CCDC137: variants seen among roughly 807,000 people sequenced by gnomAD.
CCDC137 encodes the protein coiled-coil domain containing 137.
Under a neutral mutation model 30.4 loss-of-function variants are expected in CCDC137, and 24 were observed. That is an observed-to-expected ratio of 0.79 (90% CI 0.57 to 1.11). CCDC137 has a LOEUF of 1.11. Ranked by LOEUF, CCDC137 falls within the 50% of genes least tolerant of loss-of-function variation. The probability of loss-of-function intolerance (pLI) is 0.00; values close to 1 mark genes in which losing one functional copy is unlikely to be tolerated. For synonymous variants in CCDC137, 182 were observed against 155.7 expected (o/e 1.17, Z -1.26); for missense variants, 417 against 380.4 (o/e 1.10, Z -0.80).
At chr17:81,669,506 G>A (rs1053258149) in intron 2 of CCDC137, among the ~76,000 whole-genome samples, 1 of 152,080 alleles carries the variant, frequency 6.6e-6, no homozygotes, top group Admixed American at 6.5e-5. Flanking sequence ...CGCCTCCTGT[G>A]TTCTACACTC....
chr17:81,670,326 G>A lies in CCDC137; in HGVS notation c.370G>A (p.Ala124Thr). The change falls in exon 3 of 6, where the codon GCC becomes ACC. Residue 124 changes from alanine (A) to threonine (T), a missense_variant. Transcript: ENST00000329214. Reference protein sequence around the residue: ...FKQRKGESDGAYIHRMQQEAQ... With the variant: ...FKQRKGESDGTYIHRMQQEAQ... ...ACAGAGGAAGGGGGAGTCTGACGGG[G>A]CCTATATCCACCGCATGCAGCAAGA... is the stretch of plus-strand genomic sequence containing the variant. The A allele has an allele frequency of 6.2e-7, 1 of 1,614,016 alleles. No individual in the cohort carries two copies. The highest frequency in any genetic ancestry group is 8.5e-7 in the Non-Finnish European group (1 of 1,180,052).
rs777883914 is a variant in CCDC137 at position 81,672,623 on chromosome 17, A to C, written c.789A>C (p.Arg263Ser). Reference protein sequence around the residue: ...EERERAVQAYRALKQRQQQLH... With the variant: ...EERERAVQAYSALKQRQQQLH... ...GAGAGCGGGCCGTGCAGGCCTACAG[A>C]GCGTTGAAGCAGCGGCAGCAGCAGC... Residue 263 changes from arginine to serine, a missense_variant, in exon 6 of 6, where the codon AGA becomes AGC. Transcript: ENST00000329214. 1.6e-5 allele frequency: 26 copies of C among 1,598,882 alleles called. No individual in the cohort carries two copies. The African/African-American group carries it at 3.1e-4, about 19-fold the overall frequency.
Position 81,666,737 on chromosome 17 carries a change from G to A in CCDC137, c.-30G>A, listed in dbSNP as rs190058261. 29 of 1,446,816 alleles carry A rather than the reference G, an allele frequency of 2.0e-5. No individual in the cohort carries two copies. The East Asian group carries it at 6.5e-4, about 33-fold the overall frequency. The allele number at this position is 1,446,816 out of a possible 1,614,324, so 89.6% of individuals were successfully genotyped here. A position where few individuals can be genotyped will look rare whatever the true frequency, so the allele number is the denominator to read the frequency against. ...CGGAACCATGCAGGAAGGCGGAAGT[G>A]GCTTCGCTAGGGAGCCTCCCGGCGT... On this transcript the variant is annotated 5_prime_UTR_variant, in exon 1 of 6. Transcript: ENST00000329214.
At chr17:81,667,634 G>A in intron 1 of CCDC137, 95 bp from the exon 2 acceptor site, 1 of 1,480,486 alleles carries the variant, frequency 6.8e-7, no homozygotes, top group Non-Finnish European at 9.2e-7. Context: ...GCCAGCCCGT[G>A]TAGATTCTAT....
At chr17:81,671,849 T>C in intron 4 of CCDC137, 23 bp downstream of exon 4, 1 of 1,612,058 alleles carries the variant, frequency 6.2e-7, no homozygotes, top group Non-Finnish European at 8.5e-7. Flanking sequence ...AAAGCGATGG[T>C]GTCAGCAGTG....
At chr17:81,668,136 A>G (rs1402345670) in intron 2 of CCDC137, among the ~76,000 whole-genome samples, 1 of 152,148 alleles carries the variant, frequency 6.6e-6, no homozygotes, top group Admixed American at 6.6e-5. Context: ...TCTCCCCAAA[A>G]GTAGCGAAGA....
chr17:81,671,937 G>A, intron 4 of CCDC137, 111 bp downstream of exon 4: 3 of 1,464,134 alleles, frequency 2.0e-6, no homozygotes, highest in East Asian at 2.3e-5. Context: ...TTTCCCCTGG[G>A]GTCCACAGCC....
At chr17:81,672,351 A>G (rs947361618) in intron 5 of CCDC137, 144 bp from the exon 6 acceptor site, 1 of 932,818 alleles carries the variant, frequency 1.1e-6, no homozygotes, top group South Asian at 1.7e-5. Context: ...AAAAAAAAAA[A>G]CCCTCAGCCA....
intron 2 of CCDC137, 123 bp downstream of exon 2, chr17:81,667,985 G>A (rs1598732304): frequency 8.1e-7 from 1 of 1,239,992 alleles, no homozygotes; most frequent in Non-Finnish European, 1.1e-6. Flanking sequence ...TCAGAAGGTG[G>A]GGGAGCGTGG....
At chr17:81,670,583 C>A in intron 3 of CCDC137, 130 bp downstream of exon 3, 1 of 793,948 alleles carries the variant, frequency 1.3e-6, no homozygotes, top group Non-Finnish European at 2.0e-6. Flanking sequence ...GAGACCAAGC[C>A]AGAGCCCTGG....
chr17:81,671,384 C>T (rs1052045469), intron 3 of CCDC137, among the ~76,000 whole-genome samples: 1 of 152,156 alleles, frequency 6.6e-6, no homozygotes, highest in African/African-American at 2.4e-5. Context: ...ACAGCAGCAC[C>T]GGATGGGCTG....
intron 2 of CCDC137, 154 bp from the exon 3 acceptor site, chr17:81,670,071 C>G: frequency 1.6e-6 from 1 of 627,526 alleles, no homozygotes; most frequent in Non-Finnish European, 2.8e-6. Context: ...GATGCCGGGC[C>G]GGGCATTCTA....
At chr17:81,669,476 A>G (rs2036692123) in intron 2 of CCDC137, among the ~76,000 whole-genome samples, 1 of 151,710 alleles carries the variant, frequency 6.6e-6, no homozygotes, top group Non-Finnish European at 1.5e-5. Context: ...TATGAACACA[A>G]CCACCTGCCT....
At chr17:81,667,922 G>A in intron 2 of CCDC137, 60 bp downstream of exon 2, 1 of 1,569,960 alleles carries the variant, frequency 6.4e-7, no homozygotes, top group Non-Finnish European at 8.6e-7. Flanking sequence ...CCGCCCAATC[G>A]CCCAAATACT....
intron 2 of CCDC137, chr17:81,669,961 C>G (rs2036698103): frequency 2.1e-6 from 1 of 473,502 alleles, no homozygotes; most frequent in East Asian, 3.9e-5. Flanking sequence ...AACCAGCCAC[C>G]TAGGGGTGGA....
chr17:81,667,917 C>T (rs2036665327), intron 2 of CCDC137, 55 bp downstream of exon 2: 8 of 1,578,628 alleles, frequency 5.1e-6, no homozygotes, highest in Non-Finnish European at 6.0e-6. Flanking sequence ...TCAACCCGCC[C>T]AATCGCCCAA....
At chr17:81,670,480 T>A in intron 3 of CCDC137, 27 bp downstream of exon 3, 35 of 1,503,362 alleles carry the variant, frequency 2.3e-5, no homozygotes, top group Non-Finnish European at 2.9e-5. Flanking sequence ...GGGGGAGGGG[T>A]CTGCCCTGGG....
chr17:81,671,834 T>C lies in CCDC137; in HGVS notation c.580+8T>C. On this transcript the variant is annotated splice_region_variant and intron_variant, in intron 4 of 5. Coordinates refer to ENST00000329214, the MANE Select transcript of CCDC137 (RefSeq NM_199287.3). ...AGCAGGAGTTGCTCCGAGGTAGCTCTTCCCAAAGCGATGGTGTCAGCAGTG... is the reference window on the plus strand; with the variant it reads ...AGCAGGAGTTGCTCCGAGGTAGCTCCTCCCAAAGCGATGGTGTCAGCAGTG... 1.2e-6 allele frequency: 2 copies of C among 1,605,152 alleles called. No homozygotes were observed. Among genetic ancestry groups the C allele is most frequent in the South Asian group, 2.2e-5 (2 of 90,836 alleles).
chr17:81,672,172 GACA>G lies in CCDC137; in HGVS notation c.660+20_660+22del, dbSNP rs1568202227. ...AAGGACCAGGTAAGTGGGGCACGGG[GACA>G]ACTTGAGTTTGTCCCCCAGTGCTGC... is the stretch of plus-strand genomic sequence containing the variant. On this transcript the variant is annotated intron_variant, in intron 5 of 5. Transcript: ENST00000329214. 5.0e-6 allele frequency: 8 copies of G among 1,612,508 alleles called. No homozygotes were observed. Among genetic ancestry groups the G allele is most frequent in the Non-Finnish European group, 4.2e-6 (5 of 1,178,852 alleles).
Sources: allele counts gnomAD v4.1 joint callset (sites outside exome capture counted in the v4.1 genomes callset), GRCh38; gene constraint gnomAD v4.1.1; transcripts MANE v1.5; gene names NCBI Gene and HGNC (gene_info 2026-07-23, HGNC 2026-07-21).